ZBTB40: variants seen among roughly 807,000 people sequenced by gnomAD.
ZBTB40 encodes zinc finger and BTB domain containing 40.
ZBTB40 carries 60 observed loss-of-function variants against 117.5 expected under a neutral mutation model. The ratio of observed to expected loss-of-function variants is 0.51; its 90% confidence interval spans 0.41 to 0.63. The LOEUF (loss-of-function observed/expected upper bound fraction) is 0.63. ZBTB40 is among the 30% of genes least tolerant of loss of function. The probability of loss-of-function intolerance (pLI) is 0.00; values close to 1 mark genes in which losing one functional copy is unlikely to be tolerated. For missense variants in ZBTB40, 1,287 were observed against 1,498.5 expected (o/e 0.86, Z 2.33); for synonymous variants, 525 against 577.1 (o/e 0.91, Z 1.29).
chr1:22,454,690 C>G (rs901398036), intron 1 of ZBTB40, among the ~76,000 whole-genome samples: 7 of 152,282 alleles, frequency 4.6e-5, no homozygotes, highest in Admixed American at 1.3e-4. Context: ...AGTCCCTGGC[C>G]GTGAACCCAG....
chr1:22,501,624 G>C lies in ZBTB40; in HGVS notation c.964G>C (p.Ala322Pro). The change falls in exon 4 of 18, where the codon GCA (alanine) becomes CCA (proline). Residue 322 changes from alanine (A) to proline (P), a missense_variant. Transcript: ENST00000375647. Reference sequence around the variant, plus strand: ...GAGGCTGTACCAATATTCTAATCCTGCAGTAAAAACAGCACTATTAGACAG... The same window carrying C: ...GAGGCTGTACCAATATTCTAATCCTCCAGTAAAAACAGCACTATTAGACAG... ...LLRLYQYSNP[A>P]VKTALLDRKP... 1 of 1,614,086 alleles carries C rather than the reference G, an allele frequency of 6.2e-7. No homozygotes were observed. The highest frequency in any genetic ancestry group is 8.5e-7 in the Non-Finnish European group (1 of 1,179,998).
intron 1 of ZBTB40, among the ~76,000 whole-genome samples, chr1:22,465,150 G>A (rs1641222922): frequency 6.6e-6 from 1 of 152,174 alleles, no homozygotes; most frequent in Non-Finnish European, 1.5e-5. Flanking sequence ...GTTGTCTGTC[G>A]AGTGTTCAGC....
chr1:22,452,491 C>G (rs772126761), intron 1 of ZBTB40, among the ~76,000 whole-genome samples: 8 of 152,198 alleles, frequency 5.3e-5, no homozygotes, highest in Non-Finnish European at 8.8e-5. Flanking sequence ...TCTATGAAAT[C>G]AAGTCCATAA....
chr1:22,525,357 C>G (rs1057250222), intron 17 of ZBTB40, among the ~76,000 whole-genome samples: 9 of 152,226 alleles, frequency 5.9e-5, no homozygotes, highest in African/African-American at 1.7e-4. Flanking sequence ...CAGTTGATCT[C>G]TTCTCTCCTG....
In ZBTB40 at chr1:22,489,954, G is replaced by C. The variant is rs1455842835; in HGVS notation, c.6G>C (p.Glu2Asp). The C allele has an allele frequency of 1.2e-6, 2 of 1,610,936 alleles. No individual in the cohort carries two copies. Among genetic ancestry groups the C allele is most frequent in the African/African-American group, 2.7e-5 (2 of 74,876 alleles). ...CTTGGGGCAGAGTTGACGCAATGGA[G>C]CTCCCCAACTACAGCCGGCAGCTGC... M[E>D]LPNYSRQLLQ... The change falls in exon 2 of 18, where the codon GAG becomes GAC. Residue 2 changes from glutamate (E) to aspartate (D), a missense_variant. Physicochemically the swap from Glu to Asp is conservative, Grantham distance 45. Transcript: ENST00000375647.
intron 1 of ZBTB40, among the ~76,000 whole-genome samples, chr1:22,482,736 T>C (rs561449168): frequency 1.3e-5 from 2 of 152,352 alleles, no homozygotes; most frequent in South Asian, 2.1e-4. Context: ...TTTGGAATTA[T>C]AAAGTATGTA....
rs770065030 is a variant in ZBTB40, at chr1:22,508,749, T to TG, written c.1699+25dup. On this transcript the variant is annotated intron_variant, in intron 8 of 17. Coordinates refer to ENST00000375647, the MANE Select transcript of ZBTB40 (RefSeq NM_014870.4). Reference sequence around the variant, plus strand: ...CCGGGCAGGTAAGTTACCTGCCCTCTGGGGGGGTTTTGCCCCCACTAGAGA... The same window carrying TG: ...CCGGGCAGGTAAGTTACCTGCCCTCTGGGGGGGGTTTTGCCCCCACTAGAGA... 5.4e-5 allele frequency: 87 copies of TG among 1,611,578 alleles called. No homozygotes were observed. In the African/African-American group the frequency reaches 6.1e-4, roughly 11 times the overall value.
intron 1 of ZBTB40, among the ~76,000 whole-genome samples, chr1:22,429,292 G>A (rs1640545559): frequency 6.6e-6 from 1 of 152,050 alleles, no homozygotes; most frequent in African/African-American, 2.4e-5. Context: ...TGAGGCAGGA[G>A]AATGGCTGAA....
Position 22,503,815 on chromosome 1 carries a change from A to T in ZBTB40, c.1167+1374A>T, listed in dbSNP as rs910346044. 3.9e-5 allele frequency among the ~76,000 whole-genome samples: 6 copies of T among 152,316 alleles called. No homozygotes were observed. In the South Asian group the frequency reaches 8.3e-4, roughly 21 times the overall value. On this transcript the variant is annotated intron_variant, in intron 5 of 17. Transcript: ENST00000375647. ...TTTAAGTAAGTTGCTTATAGCTCTA[A>T]AAGTTCCTGATTCCCTCTTTAGTGA...
intron 13 of ZBTB40, among the ~76,000 whole-genome samples, chr1:22,518,180 TCAGCACAGCA>T (rs1039235546): frequency 4.6e-5 from 7 of 152,178 alleles, no homozygotes; most frequent in Non-Finnish European, 8.8e-5. Flanking sequence ...AGGAGTGTAA[TCAGCACAGCA>T]CAGCACAGCA....
chr1:22,483,848 C>A (rs1638393716), intron 1 of ZBTB40, among the ~76,000 whole-genome samples: 1 of 152,158 alleles, frequency 6.6e-6, no homozygotes, highest in African/African-American at 2.4e-5. Flanking sequence ...ACTAAGTTTT[C>A]TCCTATGTTA....
chr1:22,449,240 G>C (rs916380739), upstream of ZBTB40, among the ~76,000 whole-genome samples: 3 of 152,136 alleles, frequency 2.0e-5, no homozygotes, highest in Non-Finnish European at 4.4e-5. Flanking sequence ...ACTGGGTGGT[G>C]GCATGGGAAC....
intron 1 of ZBTB40, among the ~76,000 whole-genome samples, chr1:22,436,005 C>T (rs1227498531): frequency 1.3e-5 from 2 of 150,860 alleles, no homozygotes; most frequent in Admixed American, 6.6e-5. Context: ...ACTGACAACA[C>T]CAACTGTTGA....
At chr1:22,466,745 T>C (rs181823555) in intron 1 of ZBTB40, among the ~76,000 whole-genome samples, 107 of 151,562 alleles carry the variant, frequency 7.1e-4, no homozygotes, top group Non-Finnish European at 1.6e-4. Context: ...ATTTGTCCTT[T>C]TATTGTTGAG....
chr1:22,497,163 T>G (rs1557507288), intron 3 of ZBTB40, among the ~76,000 whole-genome samples: 1 of 152,234 alleles, frequency 6.6e-6, no homozygotes, highest in Non-Finnish European at 1.5e-5. Flanking sequence ...AAAGTGGATC[T>G]TTAACTAGAA....
intron 13 of ZBTB40, among the ~76,000 whole-genome samples, chr1:22,519,163 T>TA (rs1639454577): frequency 6.6e-6 from 1 of 152,262 alleles, no homozygotes; most frequent in African/African-American, 2.4e-5. Context: ...ATTCCTGAAT[T>TA]AATCTGAATC....
chr1:22,507,352 A>G (rs911444167), intron 6 of ZBTB40, among the ~76,000 whole-genome samples: 7 of 152,226 alleles, frequency 4.6e-5, no homozygotes, highest in African/African-American at 1.4e-4. Context: ...CTTCACTGTC[A>G]TCATCGGCAA....
intron 1 of ZBTB40, among the ~76,000 whole-genome samples, chr1:22,434,339 A>G (rs1165121611): frequency 6.6e-6 from 1 of 152,204 alleles, no homozygotes; most frequent in Non-Finnish European, 1.5e-5. Context: ...AGCTCTTCAT[A>G]TATTAGGAAA....
chr1:22,511,093 CTTT>C (rs34404742), intron 9 of ZBTB40, 83 bp from the exon 10 acceptor site: 10,667 of 1,324,042 alleles, frequency 8.1e-3, no homozygotes, highest in Middle Eastern at 9.6e-3. Flanking sequence ...CTGGGATTAG[CTTT>C]TTTTTTTTTT....
Sources: gnomAD v4.1 joint callset for allele counts (sites outside exome capture counted in the v4.1 genomes callset) on GRCh38, gnomAD v4.1.1 for gene constraint, MANE v1.5 for transcripts, NCBI Gene and HGNC (gene_info 2026-07-23, HGNC 2026-07-21) for gene names.